The following L3MBTL4 variants were observed in gnomAD, a reference collection of about 807,000 sequenced individuals.
L3MBTL4 encodes lethal(3)malignant brain tumor-like protein 4.
Under a neutral mutation model 84.5 loss-of-function variants are expected in L3MBTL4, and 70 were observed. The ratio of observed to expected loss-of-function variants is 0.83; its 90% CI spans 0.68 to 1.01. The LOEUF is 1.01. Among genes scored for constraint, L3MBTL4 ranks in the 50% least tolerant of loss-of-function variants. The probability of loss-of-function intolerance (pLI) is 0.00; values close to 1 mark genes in which losing one functional copy is unlikely to be tolerated. For missense variants in L3MBTL4, 715 were observed against 754.8 expected (o/e 0.95, Z 0.62); for synonymous variants, 274 against 259.8 (o/e 1.05, Z -0.52).
chr18:6,082,080 T>A (rs2058097788), intron 15 of L3MBTL4, among the ~76,000 whole-genome samples: 1 of 152,086 alleles, frequency 6.6e-6, no homozygotes, highest in Non-Finnish European at 1.5e-5. Flanking sequence ...CCTAGGTTTG[T>A]GATCCAGAGT....
chr18:5,996,429 T>G (rs1567963540), intron 16 of L3MBTL4, among the ~76,000 whole-genome samples: 1 of 152,194 alleles, frequency 6.6e-6, no homozygotes, highest in Non-Finnish European at 1.5e-5. Context: ...TGTACGTTTT[T>G]GTTTTTGTTT....
At chr18:6,318,593 T>C (rs1004329677) in intron 1 of L3MBTL4, among the ~76,000 whole-genome samples, 1 of 147,318 alleles carries the variant, frequency 6.8e-6, no homozygotes, top group Non-Finnish European at 1.5e-5. Context: ...ATCCTAAATT[T>C]ACATGCCCCT....
At chr18:6,102,334 C>A (rs2058860742) in intron 14 of L3MBTL4, among the ~76,000 whole-genome samples, 2 of 152,174 alleles carry the variant, frequency 1.3e-5, no homozygotes, top group African/African-American at 4.8e-5. Context: ...TCAATCAGTG[C>A]AGAACTTGTT....
intron 14 of L3MBTL4, among the ~76,000 whole-genome samples, chr18:6,108,312 T>C (rs1463849065): frequency 1.3e-5 from 2 of 152,164 alleles, no homozygotes; most frequent in Non-Finnish European, 1.5e-5. Flanking sequence ...GGGGAAATAA[T>C]ATTCAAAACA....
chr18:6,095,347 T>TTTTTTG (rs2058598696), intron 14 of L3MBTL4, among the ~76,000 whole-genome samples: 1 of 87,120 alleles, frequency 1.1e-5, no homozygotes, highest in South Asian at 2.8e-4. Context: ...GGGAACATGG[T>TTTTTTG]TTTTTTTTTT....
intron 1 of L3MBTL4, chr18:6,326,488 A>G (rs2051724622): frequency 6.6e-6 from 1 of 152,276 alleles, no homozygotes; most frequent in Admixed American, 6.5e-5. Flanking sequence ...CCTGGGAAAG[A>G]GCATCCAATT....
intron 12 of L3MBTL4, among the ~76,000 whole-genome samples, chr18:6,196,381 T>C (rs764054279): frequency 1.3e-5 from 2 of 152,188 alleles, no homozygotes; most frequent in African/African-American, 4.8e-5. Flanking sequence ...ATGGTCTTGA[T>C]CTCCTGACCT....
intron 13 of L3MBTL4, among the ~76,000 whole-genome samples, chr18:6,146,602 A>G (rs1441157692): frequency 6.6e-6 from 1 of 152,198 alleles, no homozygotes; most frequent in African/African-American, 2.4e-5. Flanking sequence ...GGTTCACGGG[A>G]AAGTGGAAGA....
chr18:6,159,722 G>A (rs908799807), intron 13 of L3MBTL4, among the ~76,000 whole-genome samples: 2 of 151,986 alleles, frequency 1.3e-5, no homozygotes, highest in South Asian at 2.1e-4. Flanking sequence ...CCCTTGTCGC[G>A]GCACCTCAGT....
intron 3 of L3MBTL4, among the ~76,000 whole-genome samples, chr18:6,308,902 C>A (rs2050709169): frequency 6.6e-6 from 1 of 152,010 alleles, no homozygotes; most frequent in Non-Finnish European, 1.5e-5. Flanking sequence ...TATTTTTTAA[C>A]CATATGCCTA....
intron 1 of L3MBTL4, among the ~76,000 whole-genome samples, chr18:6,361,933 T>C (rs773280795): frequency 2.0e-5 from 3 of 151,688 alleles, no homozygotes; most frequent in African/African-American, 7.3e-5. Context: ...CTGAGAAACA[T>C]AGTGAGACCC....
intron 14 of L3MBTL4, among the ~76,000 whole-genome samples, chr18:6,095,377 T>TCAC (rs1466197569): frequency 1.8e-4 from 25 of 135,418 alleles, no homozygotes; most frequent in Admixed American, 1.8e-3. Context: ...AGATGGAGTC[T>TCAC]CGCTCCGTCG....
At chr18:6,356,575 C>T (rs957779553) in intron 1 of L3MBTL4, 4 of 152,198 alleles carry the variant, frequency 2.6e-5, no homozygotes, top group Non-Finnish European at 4.4e-5. Flanking sequence ...TCTACAAACC[C>T]GTACTGAATA....
intron 16 of L3MBTL4, among the ~76,000 whole-genome samples, chr18:5,976,093 A>G (rs561983131): frequency 1.1e-4 from 16 of 152,200 alleles, no homozygotes; most frequent in Admixed American, 5.2e-4. Flanking sequence ...GATGCCCCAC[A>G]CCTGTGTACT....
chr18:5,991,120 T>C (rs2053677968), intron 16 of L3MBTL4, among the ~76,000 whole-genome samples: 1 of 152,098 alleles, frequency 6.6e-6, no homozygotes. Flanking sequence ...CTTGGCTGAC[T>C]CCTAGAAGTT....
intron 16 of L3MBTL4, among the ~76,000 whole-genome samples, chr18:6,036,637 ATTC>A (rs2056154417): frequency 1.3e-5 from 2 of 152,048 alleles, no homozygotes; most frequent in African/African-American, 4.8e-5. Context: ...ACTTATTTTT[ATTC>A]ATTTGAATGA....
At chr18:6,021,769 G>T (rs149157389) in intron 16 of L3MBTL4, among the ~76,000 whole-genome samples, 166 of 152,064 alleles carry the variant, frequency 1.1e-3, no homozygotes, top group African/African-American at 3.5e-3. Flanking sequence ...GCAGCGGGGT[G>T]GGGGGGTGGC....
In L3MBTL4 at chr18:6,264,022, T is replaced by A. The variant is rs2048522196; in HGVS notation, c.144A>T (p.Ala48=). Residue 48 remains alanine, a synonymous_variant, in exon 5 of 19, where the codon GCA becomes GCT. Transcript: ENST00000317931. ...TPLSHVPSAA[A]QGAWSWEWYL... The stretch of plus-strand genomic sequence containing the variant: ...ACCACTCCCAAGACCATGCTCCCTG[T>A]GCAGCCGCTGAAGGGACTGGAAGAG... The A allele has an allele frequency of 1.2e-6, 2 of 1,612,748 alleles. No homozygotes were observed. The highest frequency in any genetic ancestry group is 1.7e-6 in the Non-Finnish European group (2 of 1,178,696).
intron 16 of L3MBTL4, among the ~76,000 whole-genome samples, chr18:5,970,523 C>T (rs72634393): frequency 0.03 from 4,574 of 152,236 alleles, 263 homozygotes; most frequent in East Asian, 0.24. Context: ...AAAAATATTA[C>T]AGAGATTTCA....
Sources: allele counts gnomAD v4.1 joint callset (sites outside exome capture counted in the v4.1 genomes callset), GRCh38; gene constraint gnomAD v4.1.1; transcripts MANE v1.5; gene names NCBI Gene and HGNC (gene_info 2026-07-23, HGNC 2026-07-21).